Variants in TUSC3 observed in about 807,000 individuals in gnomAD.
The protein encoded by TUSC3 is tumor suppressor candidate 3.
Under a neutral mutation model 44.8 loss-of-function variants are expected in TUSC3, and 45 were observed. That is an observed-to-expected ratio of 1.00 (90% CI 0.79 to 1.29). The LOEUF (loss-of-function observed/expected upper bound fraction) is 1.29. Among genes scored for constraint, TUSC3 ranks in the 50% most tolerant of loss-of-function variants. The pLI, the probability that TUSC3 is intolerant of heterozygous loss-of-function variation, is 0.00. For missense variants in TUSC3, 519 were observed against 437.9 expected, an observed-to-expected ratio of 1.19 and a Z score of -1.65; for synonymous variants, 212 against 152.9, an observed-to-expected ratio of 1.39 and a Z score of -2.85.
intron 10 of TUSC3, chr8:15,758,366 T>A: frequency 2.5e-6 from 1 of 392,598 alleles, no homozygotes; most frequent in Non-Finnish European, 3.5e-6. Context: ...TATATAAAAT[T>A]ACTGTCAATT....
intron 1 of TUSC3, among the ~76,000 whole-genome samples, chr8:15,554,481 A>G (rs985145238): frequency 2.6e-5 from 4 of 151,662 alleles, no homozygotes; most frequent in African/African-American, 7.3e-5. Flanking sequence ...ACAACTCACA[A>G]TGAAGAAATG....
intron 1 of TUSC3, among the ~76,000 whole-genome samples, chr8:15,430,447 C>G (rs1353038839): frequency 1.3e-5 from 2 of 150,464 alleles, no homozygotes; most frequent in Admixed American, 6.6e-5. Flanking sequence ...GTTAAAAACT[C>G]TCAATAAATT....
intron 5 of TUSC3, among the ~76,000 whole-genome samples, chr8:15,663,423 C>G (rs1807515157): frequency 6.6e-6 from 1 of 151,754 alleles, no homozygotes; most frequent in African/African-American, 2.4e-5. Context: ...AGTAGCCCTT[C>G]ATCCTTCCCA....
rs189790522 is a variant in TUSC3 at position 15,453,208 on chromosome 8, C to G, written n.92-30178C>G. On this transcript the variant is annotated intron_variant and non_coding_transcript_variant, in intron 1 of 5. Coordinates refer to the TUSC3 transcript ENST00000503191. ...GGGAGTGTTTCTGAAGAATGTCTGTCCATATGACTTCACATTAGCGTGGTA... is the reference window on the plus strand; with the variant it reads ...GGGAGTGTTTCTGAAGAATGTCTGTGCATATGACTTCACATTAGCGTGGTA... Among the ~76,000 whole-genome samples, 55 of 152,220 alleles carry G rather than the reference C, an allele frequency of 3.6e-4. No individual in the cohort carries two copies. In the East Asian group the frequency reaches 0.01, roughly 29 times the overall value.
At chr8:15,622,629 T>A (rs75485284) in intron 1 of TUSC3, among the ~76,000 whole-genome samples, 1 of 152,204 alleles carries the variant, frequency 6.6e-6, no homozygotes, top group African/African-American at 2.4e-5. Flanking sequence ...TACAACACTC[T>A]TTTGTGTATA....
the TUSC3 span, among the ~76,000 whole-genome samples, chr8:15,790,641 C>T: frequency 1.3e-5 from 2 of 152,124 alleles, no homozygotes; most frequent in East Asian, 3.9e-4. Context: ...TGCCAGTCTC[C>T]TACCTCACAA....
At chr8:15,565,597 A>G (rs140986711) in intron 1 of TUSC3, among the ~76,000 whole-genome samples, 1 of 152,312 alleles carries the variant, frequency 6.6e-6, no homozygotes, top group East Asian at 1.9e-4. Flanking sequence ...AGCTATAGGC[A>G]GAGATTGTAT....
chr8:15,567,281 A>G (rs1802711664), intron 1 of TUSC3, among the ~76,000 whole-genome samples: 1 of 152,176 alleles, frequency 6.6e-6, no homozygotes, highest in African/African-American at 2.4e-5. Flanking sequence ...CAATTAACAA[A>G]AAGTTCTTCC....
intron 1 of TUSC3, among the ~76,000 whole-genome samples, chr8:15,612,523 T>C (rs1804807905): frequency 6.6e-6 from 1 of 152,220 alleles, no homozygotes; most frequent in Admixed American, 6.5e-5. Context: ...TGGAGTGGTG[T>C]CATAATTTGG....
At chr8:15,690,626 C>T (rs895548125) in intron 6 of TUSC3, among the ~76,000 whole-genome samples, 3 of 151,932 alleles carry the variant, frequency 2.0e-5, no homozygotes, top group Non-Finnish European at 2.9e-5. Context: ...GGAGTTTTAT[C>T]GTTTTGTTTT....
At chr8:15,536,737 G>A (rs1403855482), upstream of TUSC3, among the ~76,000 whole-genome samples, 1 of 140,104 alleles carries the variant, frequency 7.1e-6, no homozygotes, top group African/African-American at 2.7e-5. Flanking sequence ...ATGCAGGAAG[G>A]CAGGATTAAG....
At chr8:15,446,950 T>G (rs1417138503) in intron 1 of TUSC3, among the ~76,000 whole-genome samples, 1 of 151,372 alleles carries the variant, frequency 6.6e-6, no homozygotes, top group East Asian at 1.9e-4. Flanking sequence ...AATGCAATAT[T>G]AAAATGGAAA....
chr8:15,815,208 G>C, the TUSC3 span, among the ~76,000 whole-genome samples: 4,686 of 152,184 alleles, frequency 0.031, 249 homozygotes, highest in African/African-American at 0.11. Context: ...GGAAGGTATT[G>C]CACGAGGTGG....
At chr8:15,612,826 A>T (rs9657259) in intron 1 of TUSC3, among the ~76,000 whole-genome samples, 2,639 of 151,980 alleles carry the variant, frequency 0.017, 78 homozygotes, top group African/African-American at 0.061. Flanking sequence ...GGCATCTTGG[A>T]CTGTATGTCC....
Position 15,586,439 on chromosome 8 carries a change from G to C in TUSC3, c.139-36641G>C, listed in dbSNP as rs896971365. Among the ~76,000 whole-genome samples the C allele has an allele frequency of 1.4e-4, 21 of 152,128 alleles. 1 individual carries two copies. Among genetic ancestry groups the C allele is most frequent in the African/African-American group, 4.8e-4 (20 of 41,438 alleles). On this transcript the variant is annotated intron_variant, in intron 1 of 10. Transcript: ENST00000503731. ...CTTTTATAGGAAAACAGCAGAAGGA[G>C]TCAGTAAAGTAAGATAGGAGAGTGG...
intron 2 of TUSC3, among the ~76,000 whole-genome samples, chr8:15,510,852 A>G (rs1359951114): frequency 6.6e-6 from 1 of 152,242 alleles, no homozygotes; most frequent in East Asian, 1.9e-4. Flanking sequence ...AATTTAATTT[A>G]ACAGTGTATG....
chr8:15,699,243 A>G (rs1017362088), intron 6 of TUSC3, among the ~76,000 whole-genome samples: 29 of 117,192 alleles, frequency 2.5e-4, no homozygotes, highest in African/African-American at 8.0e-4. Flanking sequence ...GTGAATTGTA[A>G]TGTATATTTT....
chr8:15,834,434 C>T, the TUSC3 span, among the ~76,000 whole-genome samples: 5 of 152,036 alleles, frequency 3.3e-5, no homozygotes, highest in Non-Finnish European at 7.4e-5. Flanking sequence ...TTTCTGCCTC[C>T]GTGGGAAGGT....
chr8:15,522,410 T>C (rs946104508), intron 2 of TUSC3, among the ~76,000 whole-genome samples: 1 of 152,112 alleles, frequency 6.6e-6, no homozygotes, highest in Non-Finnish European at 1.5e-5. Flanking sequence ...ATTTTATATT[T>C]TTTGTAGAGA....
Sources: gnomAD v4.1 joint callset for allele counts (sites outside exome capture counted in the v4.1 genomes callset) on GRCh38, gnomAD v4.1.1 for gene constraint, MANE v1.5 for transcripts, NCBI Gene and HGNC (gene_info 2026-07-23, HGNC 2026-07-21) for gene names.